ATAD2B: variants seen among roughly 807,000 people sequenced by gnomAD.
ATAD2B encodes ATPase family AAA domain containing 2B.
ATAD2B carries 40 observed loss-of-function variants against 167.6 expected under a neutral mutation model. That is an observed-to-expected ratio of 0.24 (90% CI 0.19 to 0.31). The LOEUF is 0.31. ATAD2B is among the 10% of genes least tolerant of loss of function. The pLI is 1.00. For missense variants in ATAD2B, 1,242 were observed against 1,757.2 expected, an observed-to-expected ratio of 0.71 and a Z score of 5.24; for synonymous variants, 579 against 596.5, an observed-to-expected ratio of 0.97 and a Z score of 0.43.
intron 7 of ATAD2B, among the ~76,000 whole-genome samples, chr2:23,878,473 A>G (rs1697373013): frequency 6.6e-6 from 1 of 151,578 alleles, no homozygotes; most frequent in Non-Finnish European, 1.5e-5. Flanking sequence ...CCTGGCTAAC[A>G]CGAAGAAACC....
intron 19 of ATAD2B, among the ~76,000 whole-genome samples, chr2:23,791,468 C>CT (rs34442242): frequency 0.031 from 4,305 of 139,276 alleles, 55 homozygotes; most frequent in East Asian, 0.045. Flanking sequence ...TGCAAAAGCA[C>CT]TTTTTTTTTT....
intron 18 of ATAD2B, among the ~76,000 whole-genome samples, chr2:23,799,570 C>CA (rs763947000): frequency 0.046 from 1,858 of 40,048 alleles, 216 homozygotes; most frequent in Admixed American, 0.19. Context: ...GACTCCATCT[C>CA]AAAAAAAAAA....
At chr2:23,727,809 C>G in the ATAD2B span, among the ~76,000 whole-genome samples, 2 of 152,128 alleles carry the variant, frequency 1.3e-5, no homozygotes, top group Admixed American at 6.5e-5. Context: ...ATGAACAAAT[C>G]TGAAAAGGCT....
intron 13 of ATAD2B, among the ~76,000 whole-genome samples, chr2:23,839,141 T>C (rs1690474849): frequency 6.6e-6 from 1 of 152,174 alleles, no homozygotes; most frequent in South Asian, 2.1e-4. Context: ...AGCATCTATC[T>C]ACAGGTTGCT....
intron 19 of ATAD2B, 31 bp downstream of exon 19, chr2:23,798,106 TA>T: frequency 7.7e-7 from 1 of 1,306,610 alleles, no homozygotes; most frequent in Non-Finnish European, 1.0e-6. Context: ...AACAATATAA[TA>T]AGGAAAGATA....
chr2:23,889,610 A>G (rs1699181477), intron 2 of ATAD2B, among the ~76,000 whole-genome samples: 1 of 152,082 alleles, frequency 6.6e-6, no homozygotes, highest in Admixed American at 6.6e-5. Flanking sequence ...CACAGTTAAG[A>G]CGACTAAAGG....
intron 18 of ATAD2B, 65 bp from the exon 19 acceptor site, chr2:23,798,388 T>C: frequency 7.9e-7 from 1 of 1,270,878 alleles, no homozygotes; most frequent in African/African-American, 1.5e-5. Flanking sequence ...TACCCAGTAA[T>C]CTCCAAATAC....
At chr2:23,777,783 A>G (rs973475320) in intron 22 of ATAD2B, among the ~76,000 whole-genome samples, 7 of 152,140 alleles carry the variant, frequency 4.6e-5, no homozygotes, top group Admixed American at 4.6e-4. Context: ...ATGTATCTAT[A>G]CTGTAGTAAT....
the ATAD2B span, among the ~76,000 whole-genome samples, chr2:23,723,556 T>C: frequency 0.08 from 12,087 of 151,724 alleles, 583 homozygotes; most frequent in South Asian, 0.13. Context: ...CACATAAAAA[T>C]GGCCAACAAA....
Position 23,857,995 on chromosome 2 carries a change from G to A in ATAD2B, c.1480-492C>T, listed in dbSNP as rs185477949. Among the ~76,000 whole-genome samples the A allele has an allele frequency of 3.1e-4, 47 of 151,792 alleles. 1 individual carries two copies. The highest frequency in any genetic ancestry group is 1.9e-4 in the East Asian group (1 of 5,158). On this transcript the variant is annotated intron_variant, in intron 12 of 27. Coordinates refer to ENST00000238789, the MANE Select transcript of ATAD2B (RefSeq NM_017552.4). ...CCTGACCTCGTGATCTGCCCGCCTC[G>A]ACCTCCCAAAGTGCTGGGATTACAG...
At chr2:23,735,035 T>G in the ATAD2B span, among the ~76,000 whole-genome samples, 1 of 152,224 alleles carries the variant, frequency 6.6e-6, no homozygotes, top group Non-Finnish European at 1.5e-5. Flanking sequence ...CACATATTAC[T>G]GCCAAATTAA....
the ATAD2B span, chr2:23,689,529 C>CATG: frequency 6.6e-6 from 1 of 152,500 alleles, no homozygotes; most frequent in Admixed American, 6.5e-5. Context: ...TGTGCATGTG[C>CATG]TCGCACATCC....
chr2:23,767,069 T>G (rs1191623876), intron 22 of ATAD2B, among the ~76,000 whole-genome samples: 1 of 152,228 alleles, frequency 6.6e-6, no homozygotes, highest in African/African-American at 2.4e-5. Context: ...TATGTCAGTA[T>G]GTTCAATTCT....
chr2:23,691,704 G>A, the ATAD2B span: 16 of 1,551,666 alleles, frequency 1.0e-5, no homozygotes, highest in Non-Finnish European at 1.4e-5. Flanking sequence ...AGGGCGGCCG[G>A]GAGAAGCTGG....
chr2:23,690,614 A>AGG, the ATAD2B span: 1 of 151,978 alleles, frequency 6.6e-6, no homozygotes, highest in Non-Finnish European at 1.5e-5. Flanking sequence ...GACCGGGCTC[A>AGG]GGGTGGGAAG....
intron 13 of ATAD2B, among the ~76,000 whole-genome samples, chr2:23,857,200 A>G (rs1388976955): frequency 6.6e-6 from 1 of 152,250 alleles, no homozygotes; most frequent in Non-Finnish European, 1.5e-5. Context: ...GTTGTATTCC[A>G]ATATAACTTC....
At position 23,749,981 on chromosome 2, in the gene ATAD2B, T is replaced by A. The variant is rs1299068209; in HGVS notation, c.*2065A>T. 1.3e-5 allele frequency: 2 copies of A among 152,120 alleles called. No individual in the cohort carries two copies. Among genetic ancestry groups the A allele is most frequent in the Non-Finnish European group, 2.9e-5 (2 of 68,004 alleles). The allele number at this position is 152,120 out of a possible 1,614,324, so 9.4% of individuals were successfully genotyped here. On this transcript the variant is annotated 3_prime_UTR_variant, in exon 28 of 28. Transcript: ENST00000238789. ...AACCTGAGACTTGCAAAAAACCCTT[T>A]TACCAGAAACTTGCTACAAAAAATC...
At chr2:23,883,170 C>A (rs1321014926) in intron 6 of ATAD2B, among the ~76,000 whole-genome samples, 1 of 151,328 alleles carries the variant, frequency 6.6e-6, no homozygotes, top group Non-Finnish European at 1.5e-5. Flanking sequence ...GTCCCAGCTA[C>A]TCAGGAGGCT....
chr2:23,742,886 T>G, the ATAD2B span, among the ~76,000 whole-genome samples: 1 of 151,964 alleles, frequency 6.6e-6, no homozygotes, highest in African/African-American at 2.4e-5. Context: ...TTTCTCAGAC[T>G]AAAAGGACAT....
Sources: allele counts gnomAD v4.1 joint callset (sites outside exome capture counted in the v4.1 genomes callset), GRCh38; gene constraint gnomAD v4.1.1; transcripts MANE v1.5; gene names NCBI Gene and HGNC (gene_info 2026-07-23, HGNC 2026-07-21).